The following STARD10 variants were observed in gnomAD, a reference collection of about 807,000 sequenced individuals.
STARD10 encodes the protein START domain-containing protein 10.
In STARD10, 24 loss-of-function variants were observed where a neutral mutation model predicts 36.0. That is an observed-to-expected ratio of 0.67 (90% CI 0.48 to 0.94). STARD10 has a LOEUF of 0.94. Ranked by LOEUF, STARD10 falls within the 40% of genes least tolerant of loss-of-function variation. The pLI is 0.00. For synonymous variants in STARD10, 156 were observed against 161.9 expected (o/e 0.96, Z 0.28); for missense variants, 335 against 396.6 (o/e 0.84, Z 1.32).
At chr11:72,789,611 G>A (rs1042736844) in intron 1 of STARD10, among the ~76,000 whole-genome samples, 1 of 152,228 alleles carries the variant, frequency 6.6e-6, no homozygotes, top group Non-Finnish European at 1.5e-5. Flanking sequence ...TCTAGCCAGA[G>A]GGCAGCATGG....
intron 2 of STARD10, among the ~76,000 whole-genome samples, chr11:72,761,713 C>T (rs1858717911): frequency 1.3e-5 from 2 of 151,800 alleles, no homozygotes; most frequent in Non-Finnish European, 2.9e-5. Flanking sequence ...CTGTGTGCTC[C>T]AGCCTGGGTG....
rs183339133 is a variant in STARD10 at position 72,794,017 on chromosome 11, G to C, written c.-1256C>G. 6.6e-6 allele frequency: 1 copy of C among 152,238 alleles called. No individual in the cohort carries two copies. The highest frequency in any genetic ancestry group is 2.4e-5 in the African/African-American group (1 of 41,462). The allele number at this position is 152,238 out of a possible 1,614,324, so 9.4% of individuals were successfully genotyped here. A position where few individuals can be genotyped will look rare whatever the true frequency, so the allele number is the denominator to read the frequency against. On this transcript the variant is annotated 5_prime_UTR_variant, in exon 1 of 7. Transcript: ENST00000334805. ...CAGTCATCGCGTCACCAAGCCCCAC[G>C]TGCAGGTTCTGGCATCCATCATGGC...
chr11:72,757,708 C>T (rs1293468503), intron 5 of STARD10, 59 bp downstream of exon 5: 12 of 1,501,982 alleles, frequency 8.0e-6, no homozygotes. Context: ...GTAGATCAGG[C>T]CCCACCCCTG....
intron 2 of STARD10, among the ~76,000 whole-genome samples, chr11:72,779,395 C>G (rs1007134414): frequency 1.3e-4 from 20 of 152,132 alleles, no homozygotes; most frequent in Non-Finnish European, 2.6e-4. Context: ...AGTTCAAGAC[C>G]AGCCTGGCCA....
intron 2 of STARD10, chr11:72,780,737 G>A (rs1470097595): frequency 1.1e-5 from 6 of 567,818 alleles, no homozygotes; most frequent in African/African-American, 9.4e-5. Flanking sequence ...GCATGCAGAA[G>A]CCTGGGTTCC....
chr11:72,757,354 G>A (rs550952129), intron 5 of STARD10, among the ~76,000 whole-genome samples: 36 of 152,286 alleles, frequency 2.4e-4, no homozygotes, highest in Non-Finnish European at 4.3e-4. Flanking sequence ...CCAGGTGGCC[G>A]ATGGCCACAG....
At chr11:72,760,805 A>G (rs1858705255) in intron 2 of STARD10, among the ~76,000 whole-genome samples, 1 of 151,250 alleles carries the variant, frequency 6.6e-6, no homozygotes, top group Admixed American at 6.6e-5. Flanking sequence ...GAAACTCAAT[A>G]TCCTTGTTCT....
intron 2 of STARD10, among the ~76,000 whole-genome samples, chr11:72,774,605 T>C (rs1276984482): frequency 6.6e-6 from 1 of 152,216 alleles, no homozygotes; most frequent in East Asian, 1.9e-4. Context: ...TCTGAGCTGC[T>C]TTCCCCAACC....
chr11:72,782,347 C>T (rs1859015619), intron 1 of STARD10: 1 of 152,262 alleles, frequency 6.6e-6, no homozygotes, highest in South Asian at 2.1e-4. Context: ...ACCAAGCCTA[C>T]ACACACCCAA....
chr11:72,781,532 G>A lies in STARD10; in HGVS notation c.-113-238C>T. The A allele has an allele frequency of 4.7e-6, 1 of 211,328 alleles. No homozygotes were observed. The highest frequency in any genetic ancestry group is 8.8e-5 in the South Asian group (1 of 11,370). 13.1% of individuals were successfully genotyped at this position (211,328 alleles called of 1,614,324 possible). ...GGCGCCCGTCGGGACCCAGGGACTG[G>A]CCGGGACCCGAGGGGAGGGACGGTG... On this transcript the variant is annotated intron_variant, in intron 1 of 6. Coordinates refer to ENST00000334805, the MANE Select transcript of STARD10 (RefSeq NM_006645.3). The surrounding 1 kb of genome is among the most constrained non-coding windows in gnomAD (Gnocchi z 4.7).
intron 2 of STARD10, 81 bp from the exon 3 acceptor site, chr11:72,759,462 G>C: frequency 6.5e-7 from 1 of 1,537,104 alleles, no homozygotes; most frequent in Non-Finnish European, 9.0e-7. Flanking sequence ...GACAGGCAGA[G>C]GGGGAGGAAG....
intron 6 of STARD10, 137 bp downstream of exon 6, chr11:72,755,564 G>C (rs1858633102): frequency 1.0e-6 from 1 of 985,026 alleles, no homozygotes; most frequent in South Asian, 1.3e-5. Context: ...ACCTGCCAAG[G>C]CCTCCCAAAG....
At chr11:72,773,835 G>A (rs574625696) in intron 2 of STARD10, among the ~76,000 whole-genome samples, 57 of 152,288 alleles carry the variant, frequency 3.7e-4, no homozygotes, top group African/African-American at 1.1e-3. Flanking sequence ...CTCGTCACCC[G>A]TTCAGGATGT....
At chr11:72,779,469 G>A (rs1858965658) in intron 2 of STARD10, among the ~76,000 whole-genome samples, 1 of 152,174 alleles carries the variant, frequency 6.6e-6, no homozygotes, top group Admixed American at 6.5e-5. Context: ...GTGTGCACCA[G>A]CAGTCCCAGC....
intron 2 of STARD10, among the ~76,000 whole-genome samples, chr11:72,759,987 T>G (rs1031415862): frequency 3.3e-5 from 5 of 152,112 alleles, no homozygotes; most frequent in African/African-American, 4.8e-5. Flanking sequence ...CTTGGCTCAC[T>G]GCAACCTCTG....
chr11:72,764,304 C>T (rs2135613677), intron 2 of STARD10, among the ~76,000 whole-genome samples: 1 of 152,232 alleles, frequency 6.6e-6, no homozygotes, highest in East Asian at 1.9e-4. Flanking sequence ...GCTCCAGAGG[C>T]CAAAGACCCA....
intron 2 of STARD10, among the ~76,000 whole-genome samples, chr11:72,767,970 C>T (rs983925117): frequency 1.2e-4 from 18 of 152,228 alleles, no homozygotes; most frequent in African/African-American, 4.1e-4. Flanking sequence ...TTCTCAGGCC[C>T]TGCCCTGGGG....
chr11:72,778,952 C>T (rs766061044), intron 2 of STARD10, among the ~76,000 whole-genome samples: 18 of 152,236 alleles, frequency 1.2e-4, no homozygotes, highest in South Asian at 4.1e-4. Context: ...ACAAGGAAGG[C>T]CACCTGACAA....
intron 1 of STARD10, among the ~76,000 whole-genome samples, chr11:72,784,650 C>T (rs1254302061): frequency 6.6e-6 from 1 of 152,212 alleles, no homozygotes; most frequent in African/African-American, 2.4e-5. Context: ...ATGACCCCTG[C>T]TCTGCCCACT....
Sources: gnomAD v4.1 joint callset for allele counts (sites outside exome capture counted in the v4.1 genomes callset) on GRCh38, gnomAD v4.1.1 for gene constraint, Gnocchi (gnomAD v3.1) non-coding constraint, MANE v1.5 for transcripts, NCBI Gene and HGNC (gene_info 2026-07-23, HGNC 2026-07-21) for gene names.